Variants in NDUFAF6 observed in about 807,000 individuals in gnomAD.
NDUFAF6 encodes NADH dehydrogenase (ubiquinone) complex I, assembly factor 6.
NDUFAF6 carries 45 observed loss-of-function variants against 40.8 expected under a neutral mutation model. That is an observed-to-expected ratio of 1.10 (90% confidence interval 0.87 to 1.42). The LOEUF is 1.42. Ranked by LOEUF, NDUFAF6 falls within the 40% of genes most tolerant of loss-of-function variation. The probability of loss-of-function intolerance (pLI) is 0.00; values close to 1 mark genes in which losing one functional copy is unlikely to be tolerated. For missense variants in NDUFAF6, 435 were observed against 418.5 expected, an observed-to-expected ratio of 1.04 and a Z score of -0.34; for synonymous variants, 185 against 155.9, an observed-to-expected ratio of 1.19 and a Z score of -1.39.
intron 3 of NDUFAF6, among the ~76,000 whole-genome samples, chr8:95,036,120 C>G (rs1429242610): frequency 6.6e-6 from 1 of 152,168 alleles, no homozygotes; most frequent in Non-Finnish European, 1.5e-5. Context: ...GAATGGAAAC[C>G]TATGGGCTAG....
At chr8:95,048,418 CT>C (rs1251983784) in intron 6 of NDUFAF6, 38 bp from the exon 7 acceptor site, 2 of 1,449,478 alleles carry the variant, frequency 1.4e-6, no homozygotes, top group South Asian at 1.1e-5. Context: ...GAAGGAAGTG[CT>C]TTTAGGTTCC....
intron 4 of NDUFAF6, among the ~76,000 whole-genome samples, chr8:95,113,978 G>A (rs1169261437): frequency 1.4e-5 from 2 of 147,380 alleles, no homozygotes; most frequent in South Asian, 2.2e-4. Context: ...GACACAGGAA[G>A]GGGAACATCA....
At chr8:95,050,661 A>G (rs2131936052) in intron 7 of NDUFAF6, among the ~76,000 whole-genome samples, 1 of 152,340 alleles carries the variant, frequency 6.6e-6, no homozygotes, top group Middle Eastern at 3.4e-3. Context: ...AAGCAGTGAT[A>G]TGAGTGTTGC....
At chr8:95,082,311 A>G (rs1033836345) in intron 2 of NDUFAF6, among the ~76,000 whole-genome samples, 11 of 152,112 alleles carry the variant, frequency 7.2e-5, no homozygotes, top group African/African-American at 2.4e-4. Context: ...ACCCTGTCTC[A>G]TTAAAAAAAT....
At chr8:94,937,382 G>A (rs571617545) in intron 1 of NDUFAF6, among the ~76,000 whole-genome samples, 5 of 150,598 alleles carry the variant, frequency 3.3e-5, no homozygotes, top group East Asian at 1.9e-4. Flanking sequence ...CAGAGGTTGC[G>A]CTGAGCCAAG....
intron 2 of NDUFAF6, among the ~76,000 whole-genome samples, chr8:95,014,967 G>A (rs1352595095): frequency 2.6e-5 from 4 of 152,162 alleles, no homozygotes; most frequent in African/African-American, 9.7e-5. Flanking sequence ...TGAAAGTGCT[G>A]TTTGGCTTCC....
intron 1 of NDUFAF6, chr8:94,929,974 A>T (rs1156565297): frequency 6.5e-6 from 1 of 153,528 alleles, no homozygotes; most frequent in Non-Finnish European, 1.5e-5. Context: ...TAATTCCATT[A>T]TATCCATGGC....
chr8:95,010,176 C>T (rs533321693), intron 2 of NDUFAF6, among the ~76,000 whole-genome samples: 36 of 152,180 alleles, frequency 2.4e-4, no homozygotes, highest in Non-Finnish European at 4.0e-4. Flanking sequence ...GTAACCTCCA[C>T]CTCCCGAGTT....
intron 2 of NDUFAF6, among the ~76,000 whole-genome samples, chr8:95,013,676 T>C (rs10103841): frequency 3.9e-5 from 6 of 152,036 alleles, no homozygotes; most frequent in African/African-American, 1.2e-4. Context: ...ATCCTAGTTA[T>C]GGGGGAGAGT....
chr8:94,993,571 A>G (rs975969363), intron 2 of NDUFAF6, among the ~76,000 whole-genome samples: 3 of 152,198 alleles, frequency 2.0e-5, no homozygotes, highest in African/African-American at 4.8e-5. Flanking sequence ...GGATGTTGCT[A>G]TAACCTCCTG....
In NDUFAF6 at chr8:94,952,417, T is replaced by C. The variant is rs567439233; in HGVS notation, c.-798-5578T>C. Among the ~76,000 whole-genome samples the C allele has an allele frequency of 2.8e-4, 42 of 152,360 alleles. 1 individual carries two copies. The highest frequency in any genetic ancestry group is 9.6e-4 in the African/African-American group (40 of 41,586). On this transcript the variant is annotated intron_variant, in intron 2 of 14. Coordinates refer to the NDUFAF6 transcript ENST00000396113. Reference sequence around the variant, plus strand: ...AAAGTGAAGTCCACTTAGGTCGTTTTCTATCTACCCATCAACAGTTAGGAT... The same window carrying C: ...AAAGTGAAGTCCACTTAGGTCGTTTCCTATCTACCCATCAACAGTTAGGAT...
intron 1 of NDUFAF6, among the ~76,000 whole-genome samples, chr8:94,924,202 CAG>C (rs1211151802): frequency 6.6e-6 from 1 of 151,974 alleles, no homozygotes; most frequent in Non-Finnish European, 1.5e-5. Context: ...CTGGGATTAA[CAG>C]GGGCACGCCA....
intron 4 of NDUFAF6, among the ~76,000 whole-genome samples, chr8:95,111,418 A>G (rs1809996215): frequency 6.6e-6 from 1 of 152,222 alleles, no homozygotes; most frequent in South Asian, 2.1e-4. Context: ...TAATCTCAGT[A>G]TGATCGATTC....
intron 2 of NDUFAF6, among the ~76,000 whole-genome samples, chr8:94,981,811 A>T (rs1825466183): frequency 6.6e-6 from 1 of 151,920 alleles, no homozygotes; most frequent in African/African-American, 2.4e-5. Flanking sequence ...ACACTTACAC[A>T]CTGCATAATG....
chr8:94,932,372 A>G (rs1026389005), intron 1 of NDUFAF6, among the ~76,000 whole-genome samples: 3 of 152,252 alleles, frequency 2.0e-5, no homozygotes, highest in African/African-American at 7.2e-5. Flanking sequence ...CCCCAATGAT[A>G]GACACAATGG....
chr8:94,937,492 C>T (rs924314221), intron 1 of NDUFAF6, among the ~76,000 whole-genome samples: 4 of 151,382 alleles, frequency 2.6e-5, no homozygotes, highest in Admixed American at 1.3e-4. Context: ...GCATGAAGGG[C>T]TGGCTGTCCC....
At chr8:94,913,030 T>C (rs1320429046) in intron 1 of NDUFAF6, among the ~76,000 whole-genome samples, 3 of 152,132 alleles carry the variant, frequency 2.0e-5, no homozygotes, top group Non-Finnish European at 4.4e-5. Flanking sequence ...CAAATATAGA[T>C]TGTAAGTACT....
chr8:95,072,607 C>A (rs2044899), intron 9 of NDUFAF6: 50,910 of 152,154 alleles, frequency 0.33, 8,604 homozygotes, highest in Non-Finnish European at 0.37. Context: ...GTATGTTCAG[C>A]CTTTTTCTAG....
exon 10 of NDUFAF6, chr8:95,075,837 T>A: frequency 2.0e-6 from 1 of 505,474 alleles, no homozygotes; most frequent in Non-Finnish European, 3.4e-6. Flanking sequence ...CTCCTTGCGC[T>A]ATTTTGAATT....
Sources: allele counts gnomAD v4.1 joint callset (sites outside exome capture counted in the v4.1 genomes callset), GRCh38; gene constraint gnomAD v4.1.1; transcripts MANE v1.5; gene names NCBI Gene and HGNC (gene_info 2026-07-23, HGNC 2026-07-21).